The following FBXO15 variants were observed in gnomAD, a reference collection of about 807,000 sequenced individuals.
FBXO15 encodes the protein F-box protein 15.
A neutral mutation model predicts 49.5 loss-of-function variants in FBXO15; 30 were observed. That is an observed-to-expected ratio of 0.61 (90% CI 0.45 to 0.82). The LOEUF (loss-of-function observed/expected upper bound fraction) is 0.82. FBXO15 is among the 40% of genes least tolerant of loss of function. The pLI, the probability that FBXO15 is intolerant of heterozygous loss-of-function variation, is 0.00. For missense variants in FBXO15, 591 were observed against 631.5 expected (o/e 0.94, Z 0.69); for synonymous variants, 250 against 232.7 (o/e 1.07, Z -0.68).
chr18:74,126,056 C>A lies in FBXO15; in HGVS notation c.831G>T (p.Leu277Phe). ...SLIAKYNLSHLTISTMIGCDR... is the reference protein window; with the variant it reads ...SLIAKYNLSHFTISTMIGCDR... ...CACAGCCAATCATGGTAGATATGGT[C>A]AAATGACTCAGATTGTACTTTGCAA... Residue 277 changes from leucine (L) to phenylalanine (F), a missense_variant, in exon 6 of 10, where the codon TTG (leucine) becomes TTT (phenylalanine). By Grantham distance (22) the Leu-to-Phe change is conservative. Transcript: ENST00000419743. The A allele has an allele frequency of 6.2e-7, 1 of 1,613,954 alleles. No homozygotes were observed. The highest frequency in any genetic ancestry group is 1.1e-5 in the South Asian group (1 of 91,032).
At chr18:74,136,699 T>C (rs1978746376) in intron 2 of FBXO15, among the ~76,000 whole-genome samples, 1 of 152,208 alleles carries the variant, frequency 6.6e-6, no homozygotes, top group African/African-American at 2.4e-5. Context: ...CACCTATTTC[T>C]ATGATCTCAG....
intron 8 of FBXO15, among the ~76,000 whole-genome samples, chr18:74,090,220 T>G (rs1846878017): frequency 6.6e-6 from 1 of 152,204 alleles, no homozygotes; most frequent in Non-Finnish European, 1.5e-5. Context: ...GTGCTCATAA[T>G]AGTCTCAGGG....
chr18:74,129,784 CTT>C (rs1324598022), intron 4 of FBXO15, among the ~76,000 whole-genome samples, 170 bp from the exon 5 acceptor site: 1 of 152,150 alleles, frequency 6.6e-6, no homozygotes, highest in African/African-American at 2.4e-5. Context: ...TCTCTTTAGA[CTT>C]TTTCTCCTCA....
intron 8 of FBXO15, among the ~76,000 whole-genome samples, chr18:74,119,612 C>G (rs1205151135): frequency 1.3e-5 from 2 of 152,020 alleles, no homozygotes; most frequent in Non-Finnish European, 2.9e-5. Flanking sequence ...GACATGACCC[C>G]CAGGACCCAC....
intron 8 of FBXO15, among the ~76,000 whole-genome samples, chr18:74,107,478 C>T (rs897925232): frequency 3.9e-5 from 6 of 152,102 alleles, no homozygotes; most frequent in Admixed American, 6.6e-5. Context: ...CTTGTTAGAT[C>T]TATAAGAAAA....
At chr18:74,133,733 C>T (rs1599184804) in intron 3 of FBXO15, among the ~76,000 whole-genome samples, 1 of 152,158 alleles carries the variant, frequency 6.6e-6, no homozygotes, top group African/African-American at 2.4e-5. Flanking sequence ...CTACACGTGG[C>T]AGAAAACCAA....
At chr18:74,108,489 C>A (rs1913868392) in intron 8 of FBXO15, among the ~76,000 whole-genome samples, 2 of 144,054 alleles carry the variant, frequency 1.4e-5, no homozygotes, top group African/African-American at 2.6e-5. Flanking sequence ...ATATAAACCT[C>A]TAAAATTGAA....
chr18:74,098,739 G>C (rs1913389699), intron 8 of FBXO15: 1 of 152,206 alleles, frequency 6.6e-6, no homozygotes, highest in African/African-American at 2.4e-5. Context: ...TAGAGACCTA[G>C]ACATCCAAAT....
At chr18:74,093,262 A>ATGAG (rs1555676360) in intron 8 of FBXO15, among the ~76,000 whole-genome samples, 5 of 19,756 alleles carry the variant, frequency 2.5e-4, no homozygotes, top group African/African-American at 7.8e-4. Context: ...TGGCAAAACA[A>ATGAG]TGGGGGGGGG....
Position 74,140,225 on chromosome 18 carries a change from G to A in FBXO15, c.204C>T (p.Ser68=). Residue 68 remains serine (S), a synonymous_variant, in exon 2 of 10, where the codon TCC becomes TCT. Transcript: ENST00000419743. ...ACCCATCCAGGAACCCAGAACAGCAGGAGAAAGAGCTCTCCCAGTGCTGTC... is the reference window on the plus strand; with the variant it reads ...ACCCATCCAGGAACCCAGAACAGCAAGAGAAAGAGCTCTCCCAGTGCTGTC... The part of the protein sequence containing the change: ...GGGQHWESSF[S]CCSGFLDGMP... The A allele has an allele frequency of 1.3e-6, 2 of 1,551,380 alleles. No homozygotes were observed. Among genetic ancestry groups the A allele is most frequent in the Non-Finnish European group, 1.7e-6 (2 of 1,146,918 alleles).
intron 3 of FBXO15, among the ~76,000 whole-genome samples, chr18:74,133,007 C>T (rs1425453137): frequency 6.6e-6 from 1 of 152,222 alleles, no homozygotes; most frequent in East Asian, 1.9e-4. Flanking sequence ...ACTATGTGTG[C>T]TTGCCCTCTC....
At chr18:74,120,874 C>A (rs983922262) in intron 8 of FBXO15, among the ~76,000 whole-genome samples, 1 of 151,410 alleles carries the variant, frequency 6.6e-6, no homozygotes, top group Non-Finnish European at 1.5e-5. Flanking sequence ...GGCAATAAAA[C>A]CAAAAGTTAG....
chr18:74,129,487 A>C lies in FBXO15; in HGVS notation c.703T>G (p.Cys235Gly). The C allele has an allele frequency of 6.2e-7, 1 of 1,614,032 alleles. No individual in the cohort carries two copies. Among genetic ancestry groups the C allele is most frequent in the Non-Finnish European group, 8.5e-7 (1 of 1,179,976 alleles). Residue 235 changes from cysteine to glycine, a missense_variant, in exon 5 of 10, where the codon TGC becomes GGC. By Grantham distance (159) the Cys-to-Gly change is radical (BLOSUM62 -3). Coordinates refer to ENST00000419743, the MANE Select transcript of FBXO15 (RefSeq NM_001142958.2). ...TCTAAGGTTGACAATGATGCTAGGC[A>C]TGGCCATTTTTTGCCATACCATATA... The part of the protein sequence containing the change: ...TVIWYGKKWP[C>G]LASLSTLDLC...
intron 8 of FBXO15, among the ~76,000 whole-genome samples, chr18:74,105,993 T>C (rs929564961): frequency 1.3e-5 from 2 of 152,102 alleles, no homozygotes; most frequent in Non-Finnish European, 2.9e-5. Context: ...TTTGATAAAG[T>C]TCATTAGTAA....
chr18:74,095,150 C>G (rs1913220665), intron 8 of FBXO15, among the ~76,000 whole-genome samples: 1 of 152,240 alleles, frequency 6.6e-6, no homozygotes. Context: ...TTGTGGCCAG[C>G]TGGATCTTCC....
At chr18:74,144,452 C>T (rs1432483809) in intron 1 of FBXO15, among the ~76,000 whole-genome samples, 1 of 151,998 alleles carries the variant, frequency 6.6e-6, no homozygotes, top group Non-Finnish European at 1.5e-5. Flanking sequence ...CAAAAGAAGG[C>T]CAGGGAATCA....
chr18:74,133,789 G>A (rs1978546047), intron 3 of FBXO15, among the ~76,000 whole-genome samples: 1 of 152,160 alleles, frequency 6.6e-6, no homozygotes, highest in African/African-American at 2.4e-5. Flanking sequence ...GAGAGAAATA[G>A]AGTGAGTGAG....
intron 9 of FBXO15, among the ~76,000 whole-genome samples, chr18:74,077,152 A>G (rs1287526429): frequency 6.6e-6 from 1 of 152,224 alleles, no homozygotes; most frequent in Non-Finnish European, 1.5e-5. Flanking sequence ...AGCTTGGTTC[A>G]GCATCGTGCC....
At chr18:74,130,204 A>G (rs28368426) in intron 4 of FBXO15, among the ~76,000 whole-genome samples, 40,546 of 152,138 alleles carry the variant, frequency 0.27, 8,013 homozygotes, top group African/African-American at 0.55. Flanking sequence ...TATTGTTTCA[A>G]GTTCCCCCCC....
Sources: allele counts gnomAD v4.1 joint callset (sites outside exome capture counted in the v4.1 genomes callset), GRCh38; gene constraint gnomAD v4.1.1; transcripts MANE v1.5; gene names NCBI Gene and HGNC (gene_info 2026-07-23, HGNC 2026-07-21).